Variants in NSF observed in about 807,000 individuals in gnomAD.
NSF encodes vesicle-fusing ATPase.
Under a neutral mutation model 50.3 loss-of-function variants are expected in NSF, and 14 were observed. That is an observed-to-expected ratio of 0.28 (90% CI 0.18 to 0.44). The LOEUF is 0.44. Among genes scored for constraint, NSF ranks in the 20% least tolerant of loss-of-function variants. The pLI, the probability that NSF is intolerant of heterozygous loss-of-function variation, is 1.00. For synonymous variants in NSF, 109 were observed against 175.7 expected, an observed-to-expected ratio of 0.62 and a Z score of 3.00; for missense variants, 218 against 504.3, an observed-to-expected ratio of 0.43 and a Z score of 5.44.
At chr17:46,748,219 C>A (rs2059150467) in intron 17 of NSF, among the ~76,000 whole-genome samples, 2 of 152,080 alleles carry the variant, frequency 1.3e-5, no homozygotes, top group South Asian at 4.1e-4. Context: ...TTCAAGCATT[C>A]TCCTACCTCA....
Position 46,756,324 on chromosome 17 carries a change from G to A in NSF, c.*501G>A, listed in dbSNP as rs1371868795. 1 of 152,536 alleles carries A rather than the reference G, an allele frequency of 6.6e-6. No homozygotes were observed. Among genetic ancestry groups the A allele is most frequent in the Non-Finnish European group, 1.5e-5 (1 of 68,310 alleles). 9.4% of individuals were successfully genotyped at this position (152,536 alleles called of 1,614,324 possible). On this transcript the variant is annotated 3_prime_UTR_variant, in exon 21 of 21. Coordinates refer to ENST00000398238, the MANE Select transcript of NSF (RefSeq NM_006178.4). ...AAAAGTCACTGGGTATTTGGTTAAA[G>A]GTCTCCCACAAGACTGGTATTCTCT...
intron 17 of NSF, 83 bp downstream of exon 17, chr17:46,729,017 C>A: frequency 3.5e-6 from 3 of 851,356 alleles, no homozygotes; most frequent in Non-Finnish European, 3.6e-6. Context: ...TTTAAATAAG[C>A]AGGTTATCAT....
chr17:46,724,973 G>T (rs1003010441), intron 15 of NSF, among the ~76,000 whole-genome samples: 1 of 151,974 alleles, frequency 6.6e-6, no homozygotes, highest in African/African-American at 2.4e-5. Context: ...TTTAAAATGT[G>T]TAAATTTATT....
At chr17:46,678,646 G>A (rs2058424412) in intron 9 of NSF, among the ~76,000 whole-genome samples, 1 of 93,568 alleles carries the variant, frequency 1.1e-5, no homozygotes, top group Non-Finnish European at 2.1e-5. Flanking sequence ...TCCATAAATT[G>A]CAGAAATGAT....
At chr17:46,675,726 T>C (rs2058398683) in intron 9 of NSF, among the ~76,000 whole-genome samples, 1 of 127,880 alleles carries the variant, frequency 7.8e-6, no homozygotes. Context: ...CATATTTTTT[T>C]CATTGACAGT....
chr17:46,755,704 A>G, intron 20 of NSF, 98 bp from the exon 21 acceptor site: 1 of 1,331,964 alleles, frequency 7.5e-7, no homozygotes. Context: ...TAGGATAACC[A>G]TTAAGAAGCT....
chr17:46,746,153 A>G (rs532839585), intron 17 of NSF, among the ~76,000 whole-genome samples: 1 of 152,308 alleles, frequency 6.6e-6, no homozygotes, highest in Non-Finnish European at 1.5e-5. Flanking sequence ...ATATTCATCT[A>G]GGAACTTGGT....
intron 17 of NSF, among the ~76,000 whole-genome samples, chr17:46,737,611 A>G (rs1482564998): frequency 6.6e-6 from 1 of 150,510 alleles, no homozygotes; most frequent in African/African-American, 2.4e-5. Context: ...GTGTTTTCTG[A>G]TCCATGCAGA....
chr17:46,727,852 A>G (rs1195941498), intron 16 of NSF, among the ~76,000 whole-genome samples: 1 of 152,202 alleles, frequency 6.6e-6, no homozygotes, highest in African/African-American at 2.4e-5. Context: ...ATGCTTGCTC[A>G]TTTATTCAAT....
intron 17 of NSF, among the ~76,000 whole-genome samples, chr17:46,729,913 G>A (rs938470931): frequency 3.3e-5 from 5 of 152,016 alleles, no homozygotes; most frequent in African/African-American, 1.2e-4. Flanking sequence ...TAGTCTTGAA[G>A]ATTTGCAACA....
At chr17:46,746,810 T>G (rs1267059893) in intron 17 of NSF, among the ~76,000 whole-genome samples, 1 of 152,200 alleles carries the variant, frequency 6.6e-6, no homozygotes, top group Non-Finnish European at 1.5e-5. Context: ...ATTCAATAGC[T>G]TCATCAGTAA....
chr17:46,609,178 C>T (rs2146114654), intron 1 of NSF, among the ~76,000 whole-genome samples: 1 of 147,826 alleles, frequency 6.8e-6, no homozygotes, highest in Middle Eastern at 3.4e-3. Context: ...TCCTCTTGAC[C>T]TAACTGTTGG....
chr17:46,726,498 G>A (rs1275035443), intron 15 of NSF, 51 bp from the exon 16 acceptor site: 1 of 1,541,918 alleles, frequency 6.5e-7, no homozygotes, highest in African/African-American at 1.4e-5. Flanking sequence ...CTTGGAAATT[G>A]TCGTAACTGT....
At chr17:46,752,155 T>C (rs1221492104) in intron 19 of NSF, among the ~76,000 whole-genome samples, 1 of 152,214 alleles carries the variant, frequency 6.6e-6, no homozygotes, top group Non-Finnish European at 1.5e-5. Context: ...TGCAAACTAC[T>C]GTAGGGTTGA....
chr17:46,720,068 C>T (rs1430866438), intron 15 of NSF, among the ~76,000 whole-genome samples: 2 of 152,292 alleles, frequency 1.3e-5, no homozygotes, highest in East Asian at 3.9e-4. Context: ...GCCTAATCCT[C>T]CTCTTTTCAT....
intron 15 of NSF, among the ~76,000 whole-genome samples, chr17:46,721,119 G>A (rs2058826527): frequency 6.6e-6 from 1 of 152,138 alleles, no homozygotes; most frequent in African/African-American, 2.4e-5. Context: ...CGCTTCTCCT[G>A]TCCCTCAGTG....
rs1225612314 is a variant in NSF at position 46,717,637 on chromosome 17, G to A, written c.1761+3651G>A. 2.0e-5 allele frequency among the ~76,000 whole-genome samples: 3 copies of A among 152,118 alleles called. No homozygotes were observed. The East Asian group carries it at 5.8e-4, about 29-fold the overall frequency. ...TGAGGCAGGAGAATCGCTTGAACCC[G>A]GGAGGCAGAGGTTGCAGTGAGCTGA... On this transcript the variant is annotated intron_variant, in intron 15 of 20. Transcript: ENST00000398238.
At chr17:46,711,189 G>T in intron 14 of NSF, 70 bp downstream of exon 14, 1 of 1,351,536 alleles carries the variant, frequency 7.4e-7, no homozygotes, top group Non-Finnish European at 9.7e-7. Context: ...AAGCCCGTAA[G>T]CACATTCTAG....
At chr17:46,751,432 G>C in intron 18 of NSF, 71 bp from the exon 19 acceptor site, 1 of 1,067,468 alleles carries the variant, frequency 9.4e-7, no homozygotes, top group Non-Finnish European at 1.4e-6. Context: ...TCTTTTAAAG[G>C]TAAATAGAAT....
Sources: gnomAD v4.1 joint callset for allele counts (sites outside exome capture counted in the v4.1 genomes callset) on GRCh38, gnomAD v4.1.1 for gene constraint, MANE v1.5 for transcripts, NCBI Gene and HGNC (gene_info 2026-07-23, HGNC 2026-07-21) for gene names.